Variants in UNC80 observed in about 807,000 individuals in gnomAD.
UNC80 encodes unc-80 subunit of NALCN channel complex.
A neutral mutation model predicts 384.6 loss-of-function variants in UNC80; 164 were observed. The ratio of observed to expected loss-of-function variants is 0.43; its 90% CI spans 0.38 to 0.49. The LOEUF (loss-of-function observed/expected upper bound fraction) is 0.49. UNC80 is among the 20% of genes least tolerant of loss of function. UNC80 has a pLI of 0.00. For synonymous variants in UNC80, 1,486 were observed against 1,527.8 expected (o/e 0.97, Z 0.64); for missense variants, 3,330 against 4,143.0 (o/e 0.80, Z 5.39).
intron 25 of UNC80, among the ~76,000 whole-genome samples, chr2:209,883,050 G>A (rs1439319570): frequency 6.6e-6 from 1 of 152,120 alleles, no homozygotes; most frequent in Middle Eastern, 3.2e-3. Flanking sequence ...CATTGTTAAT[G>A]TGTACGTTTG....
intron 28 of UNC80, 138 bp from the exon 29 acceptor site, chr2:209,904,627 G>C (rs1481915090): frequency 1.4e-6 from 1 of 730,386 alleles, no homozygotes; most frequent in Non-Finnish European, 2.3e-6. Context: ...CCTCCTTTGG[G>C]AATTATTGGA....
At position 209,903,883 on chromosome 2, in the gene UNC80, T is replaced by C. The variant is rs191320142; in HGVS notation, c.4582-882T>C. ...GCCCACATCATCTTGCTTTGTGCTC[T>C]CTTTGTGTTCAATATGGAACACAGT... On this transcript the variant is annotated intron_variant, in intron 28 of 64. Coordinates refer to ENST00000673920, the MANE Select transcript of UNC80 (RefSeq NM_001371986.1). Among the ~76,000 whole-genome samples the C allele has an allele frequency of 2.3e-3, 354 of 151,892 alleles. 6 individuals are homozygous for C. The highest frequency in any genetic ancestry group is 7.2e-4 in the Non-Finnish European group (49 of 67,974).
intron 8 of UNC80, among the ~76,000 whole-genome samples, chr2:209,814,165 A>G (rs937179162): frequency 2.6e-5 from 4 of 152,218 alleles, no homozygotes; most frequent in Non-Finnish European, 5.9e-5. Flanking sequence ...TTGATTACCA[A>G]TATCATAAAA....
chr2:209,881,893 A>G (rs1474243422), intron 25 of UNC80, among the ~76,000 whole-genome samples: 1 of 151,962 alleles, frequency 6.6e-6, no homozygotes, highest in Non-Finnish European at 1.5e-5. Context: ...TCCCAGAGCA[A>G]TCGTTACATA....
chr2:209,895,907 A>G (rs1364407394), intron 27 of UNC80, among the ~76,000 whole-genome samples: 2 of 152,204 alleles, frequency 1.3e-5, no homozygotes, highest in African/African-American at 4.8e-5. Flanking sequence ...GCAGTCACAG[A>G]ACAGTGGAGG....
chr2:209,817,123 T>C lies in UNC80; in HGVS notation c.1550T>C (p.Leu517Ser), dbSNP rs2079797359. Residue 517 changes from leucine to serine, a missense_variant and splice_region_variant, in exon 10 of 65, where the codon TTA becomes TCA. Physicochemically the swap from Leu to Ser is moderately radical, Grantham distance 145 (BLOSUM62 -2). Transcript: ENST00000673920. ...AAAGGAGGCTGGCAAACCACCATTT[T>C]AGGTGACCACAAGGCCTTCCAAAAT... is the stretch of plus-strand genomic sequence containing the variant. The part of the protein sequence containing the change: ...IEKGGWQTTI[L>S]GKLTRRGSSD... The C allele has an allele frequency of 2.6e-6, 4 of 1,551,424 alleles. No homozygotes were observed. The highest frequency in any genetic ancestry group is 3.5e-6 in the Non-Finnish European group (4 of 1,146,990).
intron 44 of UNC80, 115 bp from the exon 45 acceptor site, chr2:209,943,265 A>G: frequency 4.5e-6 from 6 of 1,326,232 alleles, no homozygotes; most frequent in Non-Finnish European, 6.1e-6. Flanking sequence ...CCTCTCTACC[A>G]GTTTACAAAG....
At chr2:209,949,063 A>G (rs2092037092) in intron 47 of UNC80, among the ~76,000 whole-genome samples, 1 of 152,162 alleles carries the variant, frequency 6.6e-6, no homozygotes, top group Admixed American at 6.5e-5. Flanking sequence ...TGGGTTGTAT[A>G]ATTATCATTT....
chr2:209,833,177 A>G (rs990082206), intron 16 of UNC80, among the ~76,000 whole-genome samples: 2 of 151,806 alleles, frequency 1.3e-5, no homozygotes, highest in Non-Finnish European at 2.9e-5. Context: ...AATTATGGAC[A>G]TAATTGTCCC....
At chr2:209,835,057 A>C in intron 18 of UNC80, 47 bp downstream of exon 18, 1 of 1,396,126 alleles carries the variant, frequency 7.2e-7, no homozygotes. Context: ...TATGCACTTC[A>C]CTCTGGAAGA....
At chr2:209,989,125 C>T (rs55817320) in intron 61 of UNC80, among the ~76,000 whole-genome samples, 70,719 of 145,116 alleles carry the variant, frequency 0.49, 16,876 homozygotes, top group East Asian at 0.52. Flanking sequence ...CCAGCCTGGA[C>T]AACATGGTGA....
At chr2:209,877,820 A>G (rs1201924085) in intron 23 of UNC80, 134 bp from the exon 24 acceptor site, 21 of 981,304 alleles carry the variant, frequency 2.1e-5, no homozygotes, top group Non-Finnish European at 2.6e-5. Flanking sequence ...TGGAAACAAC[A>G]CTGTGGCATA....
At chr2:209,831,141 A>G (rs983988228) in intron 15 of UNC80, among the ~76,000 whole-genome samples, 3 of 150,278 alleles carry the variant, frequency 2.0e-5, no homozygotes, top group Non-Finnish European at 4.4e-5. Context: ...TTTAAAAACT[A>G]CTCTAAGCCT....
In UNC80 at chr2:209,969,863, G is replaced by A; in HGVS notation, c.8102G>A (p.Arg2701Lys). 1 of 1,551,792 alleles carries A rather than the reference G, an allele frequency of 6.4e-7. No homozygotes were observed. Among genetic ancestry groups the A allele is most frequent in the Non-Finnish European group, 8.7e-7 (1 of 1,146,996 alleles). ...QPIISFLPHL[R>K]SLINVCVNLV... ...ATCATATCCTTCCTGCCTCACCTTA[G>A]GTCACTGATCAATGTCTGTGTCAAT... Residue 2701 changes from arginine to lysine, a missense_variant, in exon 53 of 65, where the codon AGG becomes AAG. Physicochemically the swap from Arg to Lys is conservative, Grantham distance 26. Around this residue, in one of 8 missense-constraint regions of UNC80, gnomAD observed 1,049 missense variants for 1,488.6 expected, o/e 0.70. Coordinates refer to ENST00000673920, the MANE Select transcript of UNC80 (RefSeq NM_001371986.1).
intron 7 of UNC80, among the ~76,000 whole-genome samples, chr2:209,800,763 T>A (rs2078493923): frequency 6.6e-6 from 1 of 152,210 alleles, no homozygotes; most frequent in South Asian, 2.1e-4. Context: ...TGTCTCTTTG[T>A]TCTCATTGGT....
At chr2:209,788,026 G>C (rs2077553476) in intron 5 of UNC80, among the ~76,000 whole-genome samples, 1 of 152,156 alleles carries the variant, frequency 6.6e-6, no homozygotes, top group Admixed American at 6.5e-5. Flanking sequence ...TTGATGCCGG[G>C]TAGGCCTAGG....
chr2:209,935,366 A>G (rs1435025563), intron 39 of UNC80, among the ~76,000 whole-genome samples: 2 of 152,188 alleles, frequency 1.3e-5, no homozygotes, highest in Non-Finnish European at 2.9e-5. Context: ...TCACTCCTGT[A>G]ATCTCCGCAC....
rs2089753614 is a variant in UNC80, at chr2:209,918,562, C to T, written c.5242C>T (p.Pro1748Ser). Reference sequence around the variant, plus strand: ...GCCTCCCAGTATCAATTTCACCCTTCCCTCGCCGGTGCTTGGAATGCCATC... The same window carrying T: ...GCCTCCCAGTATCAATTTCACCCTTTCCTCGCCGGTGCTTGGAATGCCATC... Reference protein sequence around the residue: ...IPPPSINFTLPSPVLGMPSVP... With the variant: ...IPPPSINFTLSSPVLGMPSVP... The change falls in exon 33 of 65, where the codon CCC becomes TCC. Residue 1748 changes from proline to serine, a missense_variant. Pro to Ser is a moderately conservative substitution (Grantham distance 74). Transcript: ENST00000673920. The T allele has an allele frequency of 5.2e-6, 8 of 1,552,164 alleles. No individual in the cohort carries two copies. The highest frequency in any genetic ancestry group is 1.7e-4 in the Middle Eastern group (1 of 6,020).
intron 43 of UNC80, 48 bp downstream of exon 43, chr2:209,939,700 T>A (rs1049165857): frequency 1.4e-6 from 2 of 1,452,808 alleles, no homozygotes; most frequent in Non-Finnish European, 1.8e-6. Flanking sequence ...TCTAACACAC[T>A]TGTTGTTTTT....
Sources: gnomAD v4.1 joint callset for allele counts (sites outside exome capture counted in the v4.1 genomes callset) on GRCh38, gnomAD v4.1.1 for gene constraint, gnomAD v4.1.1 regional missense constraint, MANE v1.5 for transcripts, NCBI Gene and HGNC (gene_info 2026-07-23, HGNC 2026-07-21) for gene names.